Variants in COL19A1 observed in about 807,000 individuals in gnomAD.
COL19A1 encodes collagen alpha-1(XIX) chain.
A neutral mutation model predicts 190.2 loss-of-function variants in COL19A1; 159 were observed. The observed-to-expected ratio is 0.84, with a 90% CI of 0.73 to 0.95. The LOEUF (loss-of-function observed/expected upper bound fraction) is 0.95. COL19A1 is among the 40% of genes least tolerant of loss of function. The probability of loss-of-function intolerance (pLI) is 0.00; values close to 1 mark genes in which losing one functional copy is unlikely to be tolerated. For missense variants in COL19A1, 1,418 were observed against 1,431.9 expected (o/e 0.99, Z 0.16); for synonymous variants, 509 against 458.9 (o/e 1.11, Z -1.39).
chr6:70,152,167 T>G (rs912075509), intron 31 of COL19A1, among the ~76,000 whole-genome samples: 1 of 152,104 alleles, frequency 6.6e-6, no homozygotes, highest in Non-Finnish European at 1.5e-5. Flanking sequence ...AATCAGGCCC[T>G]TGACTTCATA....
At chr6:69,941,888 C>T (rs1773490577) in intron 9 of COL19A1, among the ~76,000 whole-genome samples, 1 of 152,108 alleles carries the variant, frequency 6.6e-6, no homozygotes, top group Admixed American at 6.6e-5. Context: ...TGGGGTTTCA[C>T]CATGTTGACC....
At chr6:69,891,131 T>A in intron 2 of COL19A1, 1 of 178,056 alleles carries the variant, frequency 5.6e-6, no homozygotes, top group East Asian at 1.4e-4. Flanking sequence ...AGGGGAGGGA[T>A]AAGGACAGCT....
chr6:69,925,202 G>C (rs1246797733), intron 4 of COL19A1, among the ~76,000 whole-genome samples: 2 of 151,976 alleles, frequency 1.3e-5, no homozygotes, highest in Non-Finnish European at 2.9e-5. Context: ...TTTTTTCTAG[G>C]GTTTTTATGG....
chr6:69,893,146 C>T lies in COL19A1; in HGVS notation c.92-5802C>T, dbSNP rs201038566. Among the ~76,000 whole-genome samples the T allele has an allele frequency of 2.0e-5, 3 of 152,230 alleles. No individual in the cohort carries two copies. In the East Asian group the frequency reaches 5.8e-4, roughly 29 times the overall value. ...AAGTCAAATAAGTTGCTTCAGCTTT[C>T]TGAGTTCAGTCCATTTAGTTAACTC... On this transcript the variant is annotated intron_variant, in intron 2 of 50. Coordinates refer to ENST00000620364, the MANE Select transcript of COL19A1 (RefSeq NM_001858.6).
At chr6:70,063,392 A>G (rs1309844342) in intron 14 of COL19A1, among the ~76,000 whole-genome samples, 2 of 152,224 alleles carry the variant, frequency 1.3e-5, no homozygotes, top group Non-Finnish European at 2.9e-5. Context: ...CTGGGTACAT[A>G]ATGAAATGAA....
At chr6:70,150,177 T>A in intron 30 of COL19A1, 132 bp downstream of exon 30, 1 of 939,024 alleles carries the variant, frequency 1.1e-6, no homozygotes, top group Non-Finnish European at 1.7e-6. Flanking sequence ...TTTATCCCCA[T>A]TATTTTGTCG....
At chr6:70,057,585 A>G (rs1189751388) in intron 14 of COL19A1, among the ~76,000 whole-genome samples, 1 of 151,994 alleles carries the variant, frequency 6.6e-6, no homozygotes, top group Non-Finnish European at 1.5e-5. Flanking sequence ...AGATACTTTA[A>G]TCTCTTCTGT....
intron 1 of COL19A1, among the ~76,000 whole-genome samples, chr6:69,868,478 G>A (rs1482307749): frequency 3.9e-5 from 6 of 152,076 alleles, no homozygotes. Flanking sequence ...CTCTCTAGGG[G>A]ATAGAAAGTG....
At chr6:69,962,988 A>G (rs1200470236) in intron 11 of COL19A1, 118 bp downstream of exon 11, 3 of 641,850 alleles carry the variant, frequency 4.7e-6, no homozygotes, top group Non-Finnish European at 4.9e-6. Flanking sequence ...AATTTTATAG[A>G]CATAACTAAA....
At chr6:69,938,122 A>G (rs1013178083) in intron 9 of COL19A1, 22 bp downstream of exon 9, 2 of 1,607,386 alleles carry the variant, frequency 1.2e-6, no homozygotes, top group Admixed American at 1.7e-5. Flanking sequence ...ACAAATACTG[A>G]TGGAGAAAAC....
intron 11 of COL19A1, among the ~76,000 whole-genome samples, chr6:70,008,861 G>C (rs532983069): frequency 1.3e-5 from 2 of 151,930 alleles, no homozygotes; most frequent in African/African-American, 4.8e-5. Context: ...TTGAAAGAGT[G>C]GTTTAACATT....
intron 15 of COL19A1, among the ~76,000 whole-genome samples, chr6:70,091,639 A>G (rs535497465): frequency 1.3e-5 from 2 of 152,316 alleles, no homozygotes; most frequent in East Asian, 3.9e-4. Flanking sequence ...ATGTAAATGC[A>G]TATGTACTAG....
chr6:70,163,287 A>G, intron 35 of COL19A1, 56 bp from the exon 36 acceptor site: 1 of 1,517,234 alleles, frequency 6.6e-7, no homozygotes, highest in African/African-American at 1.4e-5. Context: ...AACTTCCAAT[A>G]CCCTTTGGCC....
intron 48 of COL19A1, among the ~76,000 whole-genome samples, chr6:70,192,495 T>TC (rs1766939003): frequency 7.3e-6 from 1 of 137,646 alleles, no homozygotes; most frequent in African/African-American, 2.7e-5. Context: ...CTCTCTCTCT[T>TC]TCTTTCTTTG....
Position 70,180,539 on chromosome 6 carries a change from T to C in COL19A1, c.2775+16T>C. ...AGGAAAGCCAGTAAGTACTTCTTAC[T>C]ACTTAAAATATGCCACCTAGAGAAA... On this transcript the variant is annotated intron_variant, in intron 44 of 50. Coordinates refer to ENST00000620364, the MANE Select transcript of COL19A1 (RefSeq NM_001858.6). 1 of 1,612,786 alleles carries C rather than the reference T, an allele frequency of 6.2e-7. No homozygotes were observed. The highest frequency in any genetic ancestry group is 8.5e-7 in the Non-Finnish European group (1 of 1,178,824).
At chr6:70,035,786 C>T in intron 13 of COL19A1, 118 bp from the exon 14 acceptor site, 1 of 754,018 alleles carries the variant, frequency 1.3e-6, no homozygotes. Flanking sequence ...GGATGAAGTT[C>T]TATTTTTCTA....
chr6:69,953,732 A>G (rs1774257361), intron 9 of COL19A1, among the ~76,000 whole-genome samples: 1 of 151,946 alleles, frequency 6.6e-6, no homozygotes, highest in South Asian at 2.1e-4. Context: ...CAGGCACTTG[A>G]CTTTTATTTG....
intron 2 of COL19A1, among the ~76,000 whole-genome samples, chr6:69,895,732 T>G (rs1255709247): frequency 6.6e-6 from 1 of 152,170 alleles, no homozygotes; most frequent in Admixed American, 6.5e-5. Context: ...GTTAATATTT[T>G]TTGGGTGAAT....
At chr6:69,943,334 C>T (rs1271614669) in intron 9 of COL19A1, among the ~76,000 whole-genome samples, 2 of 152,012 alleles carry the variant, frequency 1.3e-5, no homozygotes, top group Non-Finnish European at 2.9e-5. Flanking sequence ...ACCTTGCAAA[C>T]GTTTACTCCC....
Sources: gnomAD v4.1 joint callset for allele counts (sites outside exome capture counted in the v4.1 genomes callset) on GRCh38, gnomAD v4.1.1 for gene constraint, MANE v1.5 for transcripts, NCBI Gene and HGNC (gene_info 2026-07-23, HGNC 2026-07-21) for gene names.